RNGTT: variants seen among roughly 807,000 people sequenced by gnomAD.
RNGTT encodes RNA guanylyltransferase and 5'-phosphatase, also known as mRNA-capping enzyme.
Under a neutral mutation model 79.3 loss-of-function variants are expected in RNGTT, and 33 were observed. The observed-to-expected ratio is 0.42, with a 90% CI of 0.32 to 0.56. The LOEUF (loss-of-function observed/expected upper bound fraction) is 0.56. Ranked by LOEUF, RNGTT falls within the 20% of genes least tolerant of loss-of-function variation. The pLI, the probability that RNGTT is intolerant of heterozygous loss-of-function variation, is 0.17. For missense variants in RNGTT, 497 were observed against 739.1 expected (o/e 0.67, Z 3.80); for synonymous variants, 222 against 235.9 (o/e 0.94, Z 0.54).
At chr6:88,664,624 C>T (rs1436258884) in intron 14 of RNGTT, among the ~76,000 whole-genome samples, 8 of 152,292 alleles carry the variant, frequency 5.3e-5, no homozygotes, top group Middle Eastern at 3.4e-3. Flanking sequence ...ACCGTCCACG[C>T]TTGCAACGTA....
At chr6:88,669,264 C>T (rs1201655393) in intron 14 of RNGTT, among the ~76,000 whole-genome samples, 2 of 152,194 alleles carry the variant, frequency 1.3e-5, no homozygotes, top group East Asian at 3.8e-4. Flanking sequence ...AAGATTTGTT[C>T]CTGCAGTTAG....
chr6:88,781,271 C>T (rs1402049017), intron 12 of RNGTT, among the ~76,000 whole-genome samples: 3 of 152,072 alleles, frequency 2.0e-5, no homozygotes, highest in Non-Finnish European at 4.4e-5. Flanking sequence ...GATATCTAGA[C>T]CAGAGATATC....
intron 1 of RNGTT, among the ~76,000 whole-genome samples, chr6:88,944,154 T>A (rs1026789585): frequency 1.3e-5 from 2 of 152,272 alleles, no homozygotes; most frequent in African/African-American, 4.8e-5. Context: ...TAATTAAAGC[T>A]AATTGTGTAT....
intron 14 of RNGTT, among the ~76,000 whole-genome samples, chr6:88,645,623 C>A (rs1773518782): frequency 6.6e-6 from 1 of 152,160 alleles, no homozygotes; most frequent in African/African-American, 2.4e-5. Flanking sequence ...GCTACAGTAA[C>A]CAAAACAGCA....
At chr6:88,927,718 C>T (rs1784366944) in intron 4 of RNGTT, among the ~76,000 whole-genome samples, 1 of 151,082 alleles carries the variant, frequency 6.6e-6, no homozygotes, top group African/African-American at 2.4e-5. Context: ...CCTGTAATCC[C>T]AGCTACTCAG....
chr6:88,751,332 A>C (rs1270980789), intron 13 of RNGTT, among the ~76,000 whole-genome samples: 3 of 152,114 alleles, frequency 2.0e-5, no homozygotes, highest in Non-Finnish European at 4.4e-5. Context: ...TAAATACTAC[A>C]TATTCCAGCT....
chr6:88,843,054 A>C lies in RNGTT; in HGVS notation c.1269+1303T>G, dbSNP rs562146211. Among the ~76,000 whole-genome samples, 9 of 152,014 alleles carry C rather than the reference A, an allele frequency of 5.9e-5. No homozygotes were observed. The South Asian group carries it at 1.7e-3, about 28-fold the overall frequency. ...GGCACCATTGCACTCCAGGCTGAGC[A>C]AGAGTGAGACCCTGCCTCAAAACAA... is the stretch of plus-strand genomic sequence containing the variant. On this transcript the variant is annotated intron_variant, in intron 11 of 15. Transcript: ENST00000369485.
At chr6:88,849,975 A>C in intron 9 of RNGTT, 149 bp from the exon 10 acceptor site, 1 of 657,064 alleles carries the variant, frequency 1.5e-6, no homozygotes, top group Non-Finnish European at 2.2e-6. Flanking sequence ...TACCCAGATC[A>C]TATCAATAAA....
intron 12 of RNGTT, among the ~76,000 whole-genome samples, chr6:88,791,809 G>A (rs997395576): frequency 2.0e-4 from 30 of 152,102 alleles, no homozygotes; most frequent in Non-Finnish European, 3.4e-4. Context: ...AAAGTGCTGC[G>A]ATTACAGGCG....
chr6:88,654,510 G>C (rs996816210), intron 14 of RNGTT, among the ~76,000 whole-genome samples: 2 of 152,242 alleles, frequency 1.3e-5, no homozygotes, highest in South Asian at 2.1e-4. Flanking sequence ...CTCTGTTCTT[G>C]AGAATTCGTA....
intron 13 of RNGTT, among the ~76,000 whole-genome samples, chr6:88,765,237 A>G (rs930955892): frequency 6.6e-6 from 1 of 151,832 alleles, no homozygotes; most frequent in Non-Finnish European, 1.5e-5. Context: ...TTTAGAATGT[A>G]TATTTTTTAT....
intron 7 of RNGTT, 60 bp downstream of exon 7, chr6:88,891,746 T>G: frequency 9.7e-7 from 1 of 1,026,910 alleles, no homozygotes; most frequent in Non-Finnish European, 1.4e-6. Context: ...TGTCAATGCT[T>G]GTATTAAGTG....
chr6:88,702,154 A>G (rs976773495), intron 13 of RNGTT, among the ~76,000 whole-genome samples: 1 of 152,176 alleles, frequency 6.6e-6, no homozygotes, highest in Non-Finnish European at 1.5e-5. Flanking sequence ...AATAATCTAC[A>G]GATTCAATGC....
At chr6:88,671,622 TAAAA>T (rs1054195424) in intron 14 of RNGTT, among the ~76,000 whole-genome samples, 1 of 151,392 alleles carries the variant, frequency 6.6e-6, no homozygotes, top group Admixed American at 6.6e-5. Flanking sequence ...TCATATGGAA[TAAAA>T]AAAAGAGCCT....
chr6:88,848,557 G>A (rs909013199), intron 10 of RNGTT, among the ~76,000 whole-genome samples: 2 of 152,000 alleles, frequency 1.3e-5, no homozygotes, highest in Non-Finnish European at 2.9e-5. Flanking sequence ...AGACATATTA[G>A]TACAAATAAA....
chr6:88,913,598 A>C (rs913501000), intron 4 of RNGTT, among the ~76,000 whole-genome samples: 1 of 152,218 alleles, frequency 6.6e-6, no homozygotes, highest in Non-Finnish European at 1.5e-5. Context: ...ACAGAATTCA[A>C]AACAAAAACC....
At chr6:88,667,150 G>T in intron 14 of RNGTT, among the ~76,000 whole-genome samples, 1 of 152,104 alleles carries the variant, frequency 6.6e-6, no homozygotes, top group East Asian at 1.9e-4. Flanking sequence ...CATCAGTCAC[G>T]GCCCCTCTGC....
chr6:88,949,198 A>T, intron 1 of RNGTT, among the ~76,000 whole-genome samples: 1 of 140,512 alleles, frequency 7.1e-6, no homozygotes, highest in Non-Finnish European at 1.5e-5. Context: ...AAGCTCTTGG[A>T]GGCTGTTACA....
In RNGTT at chr6:88,611,786, CTGTTT is replaced by C. The variant is rs1235511262; in HGVS notation, c.*928_*932del. The C allele has an allele frequency of 6.6e-6, 1 of 152,630 alleles. No individual in the cohort carries two copies. The allele number at this position is 152,630 out of a possible 1,614,324, so 9.5% of individuals were successfully genotyped here. On this transcript the variant is annotated 3_prime_UTR_variant, in exon 16 of 16. Coordinates refer to ENST00000369485, the MANE Select transcript of RNGTT (RefSeq NM_003800.5). ...AAGAAGTTAGCTGGCATTCCCTTTG[CTGTTT>C]TGTTCGAGAGAAGGAACACAACATC... is the stretch of plus-strand genomic sequence containing the variant.
Sources: gnomAD v4.1 joint callset for allele counts (sites outside exome capture counted in the v4.1 genomes callset) on GRCh38, gnomAD v4.1.1 for gene constraint, MANE v1.5 for transcripts, NCBI Gene and HGNC (gene_info 2026-07-23, HGNC 2026-07-21) for gene names.